SVEP1: variants seen among roughly 807,000 people sequenced by gnomAD.
SVEP1 encodes sushi, von Willebrand factor type A, EGF and pentraxin domain-containing protein 1.
In SVEP1, 164 loss-of-function variants were observed where a neutral mutation model predicts 367.3. The observed-to-expected ratio is 0.45, with a 90% CI of 0.39 to 0.51. The LOEUF (loss-of-function observed/expected upper bound fraction) is 0.51. Ranked by LOEUF, SVEP1 falls within the 20% of genes least tolerant of loss-of-function variation. The probability of loss-of-function intolerance (pLI) is 0.00; values close to 1 mark genes in which losing one functional copy is unlikely to be tolerated. For missense variants in SVEP1, 4,117 were observed against 4,425.3 expected (o/e 0.93, Z 1.98); for synonymous variants, 1,666 against 1,611.6 (o/e 1.03, Z -0.81).
At chr9:110,399,093 C>G (rs1280755223) in intron 40 of SVEP1, among the ~76,000 whole-genome samples, 1 of 152,162 alleles carries the variant, frequency 6.6e-6, no homozygotes, top group African/African-American at 2.4e-5. Context: ...TTGGAACCAA[C>G]CCAAATGTCC....
At chr9:110,433,746 C>A (rs1490542780) in intron 30 of SVEP1, among the ~76,000 whole-genome samples, 2 of 152,074 alleles carry the variant, frequency 1.3e-5, no homozygotes, top group African/African-American at 4.8e-5. Context: ...GCTGGGATTA[C>A]AAATGTGAGC....
rs373455337 is a variant in SVEP1, at chr9:110,408,793, C to T, written c.6807G>A (p.Pro2269=). 8.7e-5 allele frequency: 141 copies of T among 1,612,926 alleles called. No homozygotes were observed. The highest frequency in any genetic ancestry group is 1.1e-4 in the Non-Finnish European group (128 of 1,179,882). The change falls in exon 38 of 48, where the codon CCG becomes CCA. Residue 2269 remains proline, a synonymous_variant. Coordinates refer to ENST00000374469, the MANE Select transcript of SVEP1 (RefSeq NM_153366.4). ...CVPLDCGKPP[P]IQNGFMKGEN... is the part of the protein sequence containing the mutation. ...CTCCTTTCATGAAGCCATTCTGGAT[C>T]GGGGGAGGTTTTCCACAGTCGAGAG...
At chr9:110,410,914 C>A in intron 37 of SVEP1, 149 bp downstream of exon 37, 1 of 609,830 alleles carries the variant, frequency 1.6e-6, no homozygotes, top group Non-Finnish European at 2.7e-6. Context: ...AAAAGATTAT[C>A]ATGATTCTTT....
chr9:110,387,958 AATTT>A (rs1827552247), intron 41 of SVEP1, among the ~76,000 whole-genome samples: 1 of 144,386 alleles, frequency 6.9e-6, no homozygotes, highest in Non-Finnish European at 1.5e-5. Context: ...TTTCATCTGA[AATTT>A]AAATATAACT....
chr9:110,425,662 T>C (rs547692276), intron 36 of SVEP1, among the ~76,000 whole-genome samples: 33 of 152,366 alleles, frequency 2.2e-4, no homozygotes, highest in African/African-American at 7.9e-4. Flanking sequence ...ATTGTCTTAA[T>C]TGATTCTTTA....
chr9:110,391,568 G>A (rs538168293), intron 40 of SVEP1, among the ~76,000 whole-genome samples: 7 of 152,026 alleles, frequency 4.6e-5, no homozygotes, highest in East Asian at 1.9e-4. Context: ...CACCATGCCC[G>A]GCCTTGATGT....
rs374100199 is a variant in SVEP1, at chr9:110,424,735, C to T, written c.5975+2856G>A. 1.6e-3 allele frequency among the ~76,000 whole-genome samples: 237 copies of T among 152,236 alleles called. 2 individuals are homozygous for T. Among genetic ancestry groups the T allele is most frequent in the African/African-American group, 5.0e-3 (208 of 41,556 alleles). ...TGTTGCCTAGGCTGGAGTGCAATGGCGCGATCTCAGCTCACTGCAACCTCC... is the reference window on the plus strand; with the variant it reads ...TGTTGCCTAGGCTGGAGTGCAATGGTGCGATCTCAGCTCACTGCAACCTCC... On this transcript the variant is annotated intron_variant, in intron 36 of 47. Coordinates refer to ENST00000374469, the MANE Select transcript of SVEP1 (RefSeq NM_153366.4).
At chr9:110,561,981 C>A (rs1037986960) in intron 1 of SVEP1, among the ~76,000 whole-genome samples, 7 of 152,076 alleles carry the variant, frequency 4.6e-5, no homozygotes, top group African/African-American at 1.4e-4. Context: ...AACTAAGTCT[C>A]AAATTTATGG....
At chr9:110,375,936 G>C (rs1328226343) in intron 45 of SVEP1, among the ~76,000 whole-genome samples, 1 of 149,060 alleles carries the variant, frequency 6.7e-6, no homozygotes, top group Non-Finnish European at 1.5e-5. Flanking sequence ...CATTTTGGTA[G>C]CAATGGGACA....
At chr9:110,456,179 T>C (rs925345836) in intron 21 of SVEP1, among the ~76,000 whole-genome samples, 1 of 152,156 alleles carries the variant, frequency 6.6e-6, no homozygotes, top group Non-Finnish European at 1.5e-5. Context: ...CCATATTCTT[T>C]CTCAGGGTCC....
In SVEP1 at chr9:110,403,348, A is replaced by G. The variant is rs889848751; in HGVS notation, c.9666+979T>C. Among the ~76,000 whole-genome samples the G allele has an allele frequency of 8.5e-4, 93 of 109,384 alleles. 1 individual carries two copies. The highest frequency in any genetic ancestry group is 3.4e-3 in the African/African-American group (90 of 26,818). 71.8% of individuals were successfully genotyped at this position (109,384 alleles called of 152,430 possible). ...TGACACGGAGTATTGCTCTGTTGCC[A>G]GGCTGGAGTGCAGTGGCGCAATCTC... On this transcript the variant is annotated intron_variant, in intron 39 of 47. Coordinates refer to ENST00000374469, the MANE Select transcript of SVEP1 (RefSeq NM_153366.4).
At chr9:110,450,476 T>A (rs1171659288) in intron 23 of SVEP1, among the ~76,000 whole-genome samples, 1 of 146,836 alleles carries the variant, frequency 6.8e-6, no homozygotes, top group Middle Eastern at 3.4e-3. Context: ...TGTTTTTTTT[T>A]TTTTTTTTTT....
intron 47 of SVEP1, among the ~76,000 whole-genome samples, chr9:110,368,534 C>CTCAA (rs1436808235): frequency 6.6e-6 from 1 of 152,258 alleles, no homozygotes; most frequent in African/African-American, 2.4e-5. Flanking sequence ...TTATCCTTTC[C>CTCAA]TCAATCAAGA....
At chr9:110,405,859 G>A (rs1196370041) in intron 38 of SVEP1, among the ~76,000 whole-genome samples, 2 of 152,112 alleles carry the variant, frequency 1.3e-5, no homozygotes, top group Admixed American at 6.5e-5. Flanking sequence ...ACAGCTTCAC[G>A]ATTCCGGAGC....
At chr9:110,467,716 G>A (rs528224037) in intron 17 of SVEP1, among the ~76,000 whole-genome samples, 1 of 150,564 alleles carries the variant, frequency 6.6e-6, no homozygotes, top group African/African-American at 2.4e-5. Context: ...GCTCACTGCA[G>A]CCTCCACCTC....
At chr9:110,390,229 ATATAAG>A (rs1588027334) in intron 40 of SVEP1, among the ~76,000 whole-genome samples, 3 of 135,736 alleles carry the variant, frequency 2.2e-5, no homozygotes, top group Non-Finnish European at 4.7e-5. Context: ...ATATATACTT[ATATAAG>A]TATGTGTATA....
chr9:110,387,309 T>C lies in SVEP1; in HGVS notation c.10036A>G (p.Ser3346Gly), dbSNP rs1460326226. 2 of 1,603,354 alleles carry C rather than the reference T, an allele frequency of 1.2e-6. No homozygotes were observed. The highest frequency in any genetic ancestry group is 1.3e-5 in the African/African-American group (1 of 74,172). Residue 3346 changes from serine to glycine, a missense_variant, in exon 42 of 48, where the codon AGC becomes GGC. Around this residue, in one of 4 missense-constraint regions of SVEP1, gnomAD observed 1,765 missense variants for 1,781.1 expected, o/e 0.99. Coordinates refer to ENST00000374469, the MANE Select transcript of SVEP1 (RefSeq NM_153366.4). Reference sequence around the variant, plus strand: ...CGTTTGCAGAGAGGGACTGGGTGGCTCCAGGTTCCATTTTCTGTGCAGTGT... The same window carrying C: ...CGTTTGCAGAGAGGGACTGGGTGGCCCCAGGTTCCATTTTCTGTGCAGTGT... ...EAHCTENGTW[S>G]HPVPLCKPNP...
intron 22 of SVEP1, among the ~76,000 whole-genome samples, 153 bp downstream of exon 22, chr9:110,455,437 C>A (rs1160588269): frequency 6.6e-6 from 1 of 152,134 alleles, no homozygotes; most frequent in Admixed American, 6.5e-5. Flanking sequence ...AACACTTTCC[C>A]AATGCAAATA....
In SVEP1 at chr9:110,533,618, G is replaced by A. The variant is rs545966937; in HGVS notation, c.964+12497C>T. On this transcript the variant is annotated intron_variant, in intron 3 of 47. Transcript: ENST00000374469. ...TCTGTGTGTGTGTGTGCACGCACAC[G>A]TGTGTGTGTATTTTGGCATCCCCAG... Among the ~76,000 whole-genome samples the A allele has an allele frequency of 6.6e-5, 7 of 106,806 alleles. No individual in the cohort carries two copies. The East Asian group carries it at 3.4e-3, about 52-fold the overall frequency. 70.1% of individuals were successfully genotyped at this position (106,806 alleles called of 152,430 possible). A position where few individuals can be genotyped will look rare whatever the true frequency, so the allele number is the denominator to read the frequency against.
Sources: allele counts gnomAD v4.1 joint callset (sites outside exome capture counted in the v4.1 genomes callset), GRCh38; gene constraint gnomAD v4.1.1; regional missense constraint gnomAD v4.1.1; transcripts MANE v1.5; gene names NCBI Gene and HGNC (gene_info 2026-07-23, HGNC 2026-07-21).